The following CDH13 variants were observed in gnomAD, a reference collection of about 807,000 sequenced individuals.
CDH13 encodes cadherin-13.
In CDH13, 24 loss-of-function variants were observed where a neutral mutation model predicts 63.8. The ratio of observed to expected loss-of-function variants is 0.38; its 90% CI spans 0.27 to 0.53. CDH13 has a LOEUF of 0.53. CDH13 is among the 20% of genes least tolerant of loss of function. The probability of loss-of-function intolerance (pLI) is 0.85; values close to 1 mark genes in which losing one functional copy is unlikely to be tolerated. For missense variants in CDH13, 1,049 were observed against 903.1 expected (o/e 1.16, Z -2.07); for synonymous variants, 503 against 355.3 (o/e 1.42, Z -4.67).
intron 10 of CDH13, among the ~76,000 whole-genome samples, chr16:83,729,209 T>C (rs1391019104): frequency 6.6e-6 from 1 of 152,146 alleles, no homozygotes; most frequent in Admixed American, 6.5e-5. Context: ...AAGTATAAAA[T>C]GGATATATTA....
intron 2 of CDH13, among the ~76,000 whole-genome samples, chr16:82,883,783 C>T (rs1218498141): frequency 6.6e-6 from 1 of 152,156 alleles, no homozygotes; most frequent in Non-Finnish European, 1.5e-5. Flanking sequence ...ATGGTCTTCC[C>T]CATCTTGGTC....
intron 1 of CDH13, among the ~76,000 whole-genome samples, chr16:82,671,288 T>C (rs1913213694): frequency 6.6e-6 from 1 of 152,188 alleles, no homozygotes; most frequent in Non-Finnish European, 1.5e-5. Context: ...GGTGTGGTCT[T>C]CCTTTGTTTG....
At chr16:83,265,764 A>G (rs1018085784) in intron 5 of CDH13, among the ~76,000 whole-genome samples, 5 of 82,776 alleles carry the variant, frequency 6.0e-5, no homozygotes, top group African/African-American at 2.0e-4. Context: ...GGTCTGTGTC[A>G]TGTTAGAAGG....
chr16:82,885,560 C>G (rs2040860203), intron 2 of CDH13, among the ~76,000 whole-genome samples: 1 of 152,022 alleles, frequency 6.6e-6, no homozygotes, highest in Non-Finnish European at 1.5e-5. Flanking sequence ...TCCATCCATT[C>G]ACTTATCCTG....
At chr16:82,764,165 T>C (rs1426512750) in intron 1 of CDH13, among the ~76,000 whole-genome samples, 3 of 152,214 alleles carry the variant, frequency 2.0e-5, no homozygotes, top group Non-Finnish European at 4.4e-5. Flanking sequence ...TTATTATTGC[T>C]GTTGTTGTTG....
chr16:83,245,770 T>C (rs1904927956), intron 5 of CDH13, among the ~76,000 whole-genome samples: 3 of 152,164 alleles, frequency 2.0e-5, no homozygotes, highest in Non-Finnish European at 4.4e-5. Context: ...TGAGGCAGGG[T>C]CTCACCCTGT....
chr16:83,044,387 A>G (rs1447286123), intron 3 of CDH13, among the ~76,000 whole-genome samples: 1 of 152,270 alleles, frequency 6.6e-6, no homozygotes. Context: ...GTAATAAAAA[A>G]TAAATCCAGA....
intron 1 of CDH13, among the ~76,000 whole-genome samples, chr16:82,715,303 C>G (rs768151227): frequency 1.1e-4 from 16 of 151,056 alleles, no homozygotes; most frequent in Non-Finnish European, 1.8e-4. Flanking sequence ...AACCAAGTCA[C>G]TTAGCCATCA....
chr16:82,867,504 C>G (rs538324388), intron 2 of CDH13, among the ~76,000 whole-genome samples: 2 of 152,178 alleles, frequency 1.3e-5, no homozygotes, highest in African/African-American at 2.4e-5. Flanking sequence ...GCTTTCCACC[C>G]TCTCTGTTAG....
intron 7 of CDH13, among the ~76,000 whole-genome samples, chr16:83,540,192 G>A (rs562522839): frequency 1.3e-5 from 2 of 151,780 alleles, no homozygotes; most frequent in Admixed American, 1.3e-4. Context: ...AGCCTCCCGA[G>A]TAGCTGGTGT....
chr16:82,980,535 AT>A (rs934506529), intron 2 of CDH13, among the ~76,000 whole-genome samples: 1 of 152,192 alleles, frequency 6.6e-6, no homozygotes, highest in African/African-American at 2.4e-5. Flanking sequence ...TGCAAATGTG[AT>A]TTTTTTGAAG....
chr16:83,340,559 TACA>T (rs2090698991), intron 5 of CDH13, among the ~76,000 whole-genome samples: 1 of 152,194 alleles, frequency 6.6e-6, no homozygotes, highest in Admixed American at 6.5e-5. Context: ...TGTGTCTCAG[TACA>T]ACATCACTCA....
intron 5 of CDH13, among the ~76,000 whole-genome samples, chr16:83,320,635 A>G (rs149243463): frequency 5.3e-5 from 8 of 152,370 alleles, no homozygotes; most frequent in African/African-American, 1.9e-4. Context: ...CCATTAAAAT[A>G]TTCTGAAGAT....
intron 1 of CDH13, among the ~76,000 whole-genome samples, chr16:82,630,845 T>C (rs1470623050): frequency 6.6e-6 from 1 of 152,294 alleles, no homozygotes; most frequent in Non-Finnish European, 1.5e-5. Flanking sequence ...TCTGAGTGAG[T>C]GTGTACATCT....
chr16:83,028,581 C>T (rs1168681875), intron 2 of CDH13, among the ~76,000 whole-genome samples: 1 of 152,142 alleles, frequency 6.6e-6, no homozygotes, highest in South Asian at 2.1e-4. Flanking sequence ...TACCTCAGTC[C>T]GTGGATACTA....
chr16:83,728,340 T>C lies in CDH13; in HGVS notation c.1539-19768T>C, dbSNP rs535844848. ...GGCTATGTGTGTATGTGTATGTGTG[T>C]GCGTGTGTGTGTGTGTGTGTGTTGT... is the stretch of plus-strand genomic sequence containing the variant. On this transcript the variant is annotated intron_variant, in intron 10 of 13. Transcript: ENST00000567109. Among the ~76,000 whole-genome samples the C allele has an allele frequency of 1.1e-4, 16 of 139,614 alleles. No individual in the cohort carries two copies. In the East Asian group the frequency reaches 2.9e-3, roughly 26 times the overall value. The allele number at this position is 139,614 out of a possible 152,430, so 91.6% of individuals were successfully genotyped here.
chr16:83,635,011 G>T (rs1177173518), intron 8 of CDH13, among the ~76,000 whole-genome samples: 2 of 152,148 alleles, frequency 1.3e-5, no homozygotes, highest in Non-Finnish European at 2.9e-5. Flanking sequence ...TTCCAGAGTG[G>T]CTAAACCATT....
chr16:83,762,546 T>C (rs757961542), intron 11 of CDH13, among the ~76,000 whole-genome samples: 22 of 152,266 alleles, frequency 1.4e-4, no homozygotes, highest in Non-Finnish European at 2.1e-4. Context: ...CTACAGGTAA[T>C]CACCAGAAAG....
In CDH13 at chr16:82,898,900, G is replaced by A. The variant is rs553297572; in HGVS notation, c.157+40427G>A. The stretch of plus-strand genomic sequence containing the variant: ...TTTATTAAAGTGCTTGTTTATTAAA[G>A]AGTATGCTTAACTTCACTCAGTATG... On this transcript the variant is annotated intron_variant, in intron 2 of 13. Coordinates refer to ENST00000567109, the MANE Select transcript of CDH13 (RefSeq NM_001257.5). 8.5e-5 allele frequency among the ~76,000 whole-genome samples: 13 copies of A among 152,364 alleles called. No individual in the cohort carries two copies. The South Asian group carries it at 2.7e-3, about 32-fold the overall frequency.
Sources: gnomAD v4.1 joint callset for allele counts (sites outside exome capture counted in the v4.1 genomes callset) on GRCh38, gnomAD v4.1.1 for gene constraint, MANE v1.5 for transcripts, NCBI Gene and HGNC (gene_info 2026-07-23, HGNC 2026-07-21) for gene names.